The following IRGM variants were observed in gnomAD, a reference collection of about 807,000 sequenced individuals.
IRGM encodes the protein immunity-related GTPase family M protein.
For missense variants in IRGM, 288 were observed against 219.9 expected (o/e 1.31, Z -1.96); for synonymous variants, 98 against 80.6 (o/e 1.22, Z -1.16).
At chr5:150,874,447 T>A (rs1457888944) in intron 1 of IRGM, among the ~76,000 whole-genome samples, 1 of 152,206 alleles carries the variant, frequency 6.6e-6, no homozygotes, top group Non-Finnish European at 1.5e-5. Context: ...GGTTGGGGCC[T>A]GTCGAGATAT....
intron 3 of IRGM, chr5:150,895,129 CATTTTG>C (rs1754707921): frequency 3.9e-6 from 1 of 258,562 alleles, no homozygotes; most frequent in South Asian, 1.5e-4. Context: ...GGCTGATTAT[CATTTTG>C]TAGTATAAGG....
intron 1 of IRGM, among the ~76,000 whole-genome samples, chr5:150,858,882 T>C (rs917991197): frequency 2.6e-5 from 4 of 152,226 alleles, no homozygotes; most frequent in Non-Finnish European, 1.5e-5. Flanking sequence ...ACAGGGATAA[T>C]TTGACTTCCT....
intron 3 of IRGM, among the ~76,000 whole-genome samples, chr5:150,882,783 T>C (rs1251583961): frequency 6.6e-6 from 1 of 152,162 alleles, no homozygotes; most frequent in East Asian, 1.9e-4. Context: ...AGGACTTCTC[T>C]ACCGCAGCTT....
intron 3 of IRGM, among the ~76,000 whole-genome samples, chr5:150,887,785 C>T (rs1451980670): frequency 6.6e-6 from 1 of 151,904 alleles, no homozygotes; most frequent in African/African-American, 2.4e-5. Flanking sequence ...AGATTTAAAC[C>T]TGCCTCACAT....
At chr5:150,854,570 G>A (rs1269335768) in intron 1 of IRGM, among the ~76,000 whole-genome samples, 1 of 152,078 alleles carries the variant, frequency 6.6e-6, no homozygotes, top group Non-Finnish European at 1.5e-5. Context: ...GGACAGTTTT[G>A]CTAAATACAG....
intron 1 of IRGM, 190 bp from the exon 2 acceptor site, chr5:150,847,519 G>C (rs1161223761): frequency 6.5e-6 from 1 of 152,802 alleles, no homozygotes; most frequent in Non-Finnish European, 1.5e-5. Context: ...ACCGGCCTCA[G>C]GGCGTTCCTC....
chr5:150,896,395 ACTT>A, intron 3 of IRGM: 1 of 1,613,654 alleles, frequency 6.2e-7, no homozygotes, highest in Middle Eastern at 1.7e-4. Context: ...ATGAGTTGTG[ACTT>A]CTTAGCAAAG....
chr5:150,868,790 T>C (rs1385530858), intron 1 of IRGM, among the ~76,000 whole-genome samples: 1 of 152,184 alleles, frequency 6.6e-6, no homozygotes, highest in African/African-American at 2.4e-5. Flanking sequence ...GCTTGGTCAC[T>C]GTTGGTGTGT....
chr5:150,874,087 T>C (rs549351579), intron 1 of IRGM, among the ~76,000 whole-genome samples: 1 of 152,366 alleles, frequency 6.6e-6, no homozygotes, highest in South Asian at 2.1e-4. Flanking sequence ...TGGTACCTGG[T>C]ATGCAGCCAT....
At chr5:150,897,018 ATT>A in intron 3 of IRGM, 1 of 1,461,012 alleles carries the variant, frequency 6.8e-7, no homozygotes, top group South Asian at 1.3e-5. Context: ...ACAAGAGTCA[ATT>A]AAGAGGGTAA....
intron 3 of IRGM, among the ~76,000 whole-genome samples, chr5:150,899,042 T>C (rs908190475): frequency 1.3e-5 from 2 of 151,896 alleles, no homozygotes; most frequent in South Asian, 2.1e-4. Context: ...AGGGGGAAAT[T>C]TGAACACAAA....
intron 3 of IRGM, among the ~76,000 whole-genome samples, chr5:150,885,759 T>C (rs78582482): frequency 0.015 from 2,277 of 152,248 alleles, 58 homozygotes; most frequent in African/African-American, 0.052. Flanking sequence ...TTTTGTAAAC[T>C]GATTTTGCAT....
intron 3 of IRGM, among the ~76,000 whole-genome samples, chr5:150,899,088 AAG>A (rs920744757): frequency 1.3e-5 from 2 of 152,070 alleles, no homozygotes; most frequent in African/African-American, 4.8e-5. Flanking sequence ...AAAGAGAAAA[AAG>A]AAGATAGTTA....
chr5:150,875,003 A>G (rs1754341336), intron 1 of IRGM, among the ~76,000 whole-genome samples: 1 of 152,178 alleles, frequency 6.6e-6, no homozygotes, highest in Non-Finnish European at 1.5e-5. Context: ...GCAGCATTCC[A>G]TCATCAAATG....
chr5:150,856,418 G>A (rs185878344), intron 1 of IRGM, among the ~76,000 whole-genome samples: 40 of 152,146 alleles, frequency 2.6e-4, no homozygotes, highest in African/African-American at 9.4e-4. Flanking sequence ...GCAACAGAGC[G>A]AGACGTTGTC....
In IRGM at chr5:150,857,850, G is replaced by A. The variant is rs541381785; in HGVS notation, c.158+9196G>A. Among the ~76,000 whole-genome samples the A allele has an allele frequency of 5.7e-4, 86 of 152,048 alleles. 1 individual carries two copies. Among genetic ancestry groups the A allele is most frequent in the Middle Eastern group, 3.4e-3 (1 of 294 alleles). On this transcript the variant is annotated intron_variant and NMD_transcript_variant, in intron 1 of 3. Coordinates refer to the IRGM transcript ENST00000520549. ...GCCCTTTGTCAGATGAGTAGGTTGC[G>A]AAAATTTTCTCCCATTTTGTAGGTT...
chr5:150,870,398 A>G (rs762514604), intron 1 of IRGM, among the ~76,000 whole-genome samples: 1 of 151,950 alleles, frequency 6.6e-6, no homozygotes, highest in Non-Finnish European at 1.5e-5. Context: ...AGCTATCTTT[A>G]TGGGTCAAAC....
intron 1 of IRGM, 112 bp downstream of exon 1, chr5:150,847,332 C>T (rs1410757836): frequency 2.7e-5 from 4 of 149,032 alleles, no homozygotes; most frequent in Non-Finnish European, 6.1e-5. Flanking sequence ...TTTTACTTGT[C>T]TGGTTTTGGT....
At chr5:150,889,744 C>A (rs1754579612) in intron 3 of IRGM, among the ~76,000 whole-genome samples, 2 of 151,804 alleles carry the variant, frequency 1.3e-5, no homozygotes, top group Non-Finnish European at 2.9e-5. Context: ...GAAGAAGTTC[C>A]TTTTTAGATG....
Sources: allele counts gnomAD v4.1 joint callset (sites outside exome capture counted in the v4.1 genomes callset), GRCh38; gene constraint gnomAD v4.1.1; transcripts MANE v1.5; gene names NCBI Gene and HGNC (gene_info 2026-07-23, HGNC 2026-07-21).